C1orf21: variants seen among roughly 807,000 people sequenced by gnomAD.
C1orf21 encodes uncharacterized protein C1orf21.
In C1orf21, 3 loss-of-function variants were observed where a neutral mutation model predicts 18.7. The observed-to-expected ratio is 0.16, with a 90% CI of 0.07 to 0.42. The LOEUF (loss-of-function observed/expected upper bound fraction) is 0.42, where lower values mean the gene tolerates loss of function less well. Among genes scored for constraint, C1orf21 ranks in the 10% least tolerant of loss-of-function variants. The probability of loss-of-function intolerance (pLI) is 0.99; values close to 1 mark genes in which losing one functional copy is unlikely to be tolerated. For missense variants in C1orf21, 104 were observed against 143.6 expected (o/e 0.72, Z 1.41); for synonymous variants, 41 against 46.4 (o/e 0.88, Z 0.47).
chr1:184,465,888 G>A (rs1404980099), intron 1 of C1orf21, among the ~76,000 whole-genome samples: 1 of 152,184 alleles, frequency 6.6e-6, no homozygotes, highest in Non-Finnish European at 1.5e-5. Flanking sequence ...GATGTGATGT[G>A]CTGAAGAGTG....
At chr1:184,432,373 C>T (rs749701658) in intron 1 of C1orf21, among the ~76,000 whole-genome samples, 1 of 152,090 alleles carries the variant, frequency 6.6e-6, no homozygotes, top group Non-Finnish European at 1.5e-5. Context: ...TTTGCAGGGA[C>T]ATGGATGAAG....
At position 184,620,414 on chromosome 1, in the gene C1orf21, A is replaced by G. The variant is rs548825490; in HGVS notation, c.*858A>G. ...GCCCTCCTTTGCATTGACACTGATA[A>G]TTAGCCTATAGGGCTCCCTACCCTT... On this transcript the variant is annotated 3_prime_UTR_variant, in exon 6 of 6. Transcript: ENST00000235307. The G allele has an allele frequency of 6.6e-6, 1 of 152,654 alleles. No individual in the cohort carries two copies. The highest frequency in any genetic ancestry group is 2.4e-5 in the African/African-American group (1 of 41,528). The allele number at this position is 152,654 out of a possible 1,614,324, so 9.5% of individuals were successfully genotyped here.
chr1:184,494,428 A>G (rs1425166353), intron 2 of C1orf21, among the ~76,000 whole-genome samples: 2 of 152,184 alleles, frequency 1.3e-5, no homozygotes, highest in African/African-American at 4.8e-5. Flanking sequence ...ACTGCTACGT[A>G]GGGAATAGAC....
At position 184,575,121 on chromosome 1, in the gene C1orf21, G is replaced by A. The variant is rs113506577; in HGVS notation, c.190-15618G>A. 7.7e-3 allele frequency among the ~76,000 whole-genome samples: 1,178 copies of A among 152,274 alleles called. 22 individuals carry two copies. Among genetic ancestry groups the A allele is most frequent in the African/African-American group, 0.024 (1,009 of 41,544 alleles). On this transcript the variant is annotated intron_variant, in intron 3 of 5. Transcript: ENST00000235307. ...TTCTAGCAGTACATTTCTCAAAAAG[G>A]AAAGAAGGGAGAAAAAAAGAATGGC...
At chr1:184,608,525 A>T (rs1659683674) in intron 5 of C1orf21, among the ~76,000 whole-genome samples, 1 of 152,250 alleles carries the variant, frequency 6.6e-6, no homozygotes, top group African/African-American at 2.4e-5. Context: ...CCACAGATGC[A>T]GTTGAATTGC....
At chr1:184,456,600 A>G (rs1466670318) in intron 1 of C1orf21, among the ~76,000 whole-genome samples, 1 of 147,834 alleles carries the variant, frequency 6.8e-6, no homozygotes, top group Non-Finnish European at 1.5e-5. Context: ...CAGGTGCCAG[A>G]TTTGATATTT....
chr1:184,566,061 T>G (rs115592075), intron 3 of C1orf21, among the ~76,000 whole-genome samples: 1 of 152,164 alleles, frequency 6.6e-6, no homozygotes, highest in African/African-American at 2.4e-5. Flanking sequence ...TGTTTAAAAT[T>G]GTGGATTAGG....
intron 3 of C1orf21, among the ~76,000 whole-genome samples, chr1:184,557,538 A>G (rs1658896512): frequency 6.6e-6 from 1 of 152,224 alleles, no homozygotes; most frequent in African/African-American, 2.4e-5. Flanking sequence ...ACTTAGAATA[A>G]TGGTCTCCAG....
At chr1:184,523,415 C>T (rs1206894779) in intron 3 of C1orf21, among the ~76,000 whole-genome samples, 1 of 152,060 alleles carries the variant, frequency 6.6e-6, no homozygotes, top group Non-Finnish European at 1.5e-5. Flanking sequence ...AATTGAGGGG[C>T]ATTCTACAAA....
chr1:184,406,433 T>C (rs1656250573), intron 1 of C1orf21, among the ~76,000 whole-genome samples: 2 of 152,190 alleles, frequency 1.3e-5, no homozygotes, highest in African/African-American at 4.8e-5. Context: ...TAAGTGTTGT[T>C]TTTTGGAAAA....
chr1:184,578,097 C>A (rs933687297), intron 3 of C1orf21, among the ~76,000 whole-genome samples: 1 of 152,004 alleles, frequency 6.6e-6, no homozygotes, highest in Non-Finnish European at 1.5e-5. Context: ...GCTGAGATTA[C>A]AGGCGCCTGC....
At chr1:184,498,534 TGAAGAA>T (rs1185690572) in intron 2 of C1orf21, among the ~76,000 whole-genome samples, 5 of 152,168 alleles carry the variant, frequency 3.3e-5, no homozygotes, top group African/African-American at 9.7e-5. Context: ...TCGATGGCAG[TGAAGAA>T]GTAACTACAG....
intron 3 of C1orf21, among the ~76,000 whole-genome samples, chr1:184,519,774 A>G (rs1402413997): frequency 6.6e-6 from 1 of 152,230 alleles, no homozygotes; most frequent in Non-Finnish European, 1.5e-5. Flanking sequence ...TGAGAGTATC[A>G]AAAGCAACCA....
intron 1 of C1orf21, among the ~76,000 whole-genome samples, chr1:184,458,860 A>C (rs1314540069): frequency 6.6e-6 from 1 of 152,216 alleles, no homozygotes; most frequent in African/African-American, 2.4e-5. Context: ...CTCTTGAATA[A>C]ATGATTTTGT....
chr1:184,590,769 A>G lies in C1orf21; in HGVS notation c.220A>G (p.Lys74Glu), dbSNP rs751343261. The G allele has an allele frequency of 3.1e-6, 5 of 1,614,034 alleles. No homozygotes were observed. In the African/African-American group the frequency reaches 6.7e-5, roughly 22 times the overall value. The change falls in exon 4 of 6, where the codon AAA (lysine) becomes GAA (glutamate). Residue 74 changes from lysine (K) to glutamate (E), a missense_variant. Transcript: ENST00000235307. ...EKSASSNVRLKTNKEVPGLVH... is the reference protein window; with the variant it reads ...EKSASSNVRLETNKEVPGLVH... ...AAGTGCCAGCTCAAATGTAAGACTT[A>G]AAACTAATAAAGAGGTTCCGGGATT...
intron 1 of C1orf21, among the ~76,000 whole-genome samples, chr1:184,410,663 A>ATATATATATATT (rs67546366): frequency 1.3e-4 from 1 of 7,676 alleles, no homozygotes; most frequent in African/African-American, 1.4e-3. Context: ...ATATATATAT[A>ATATATATATATT]TTTTTTTTTT....
intron 5 of C1orf21, among the ~76,000 whole-genome samples, chr1:184,612,129 A>G (rs1571301739): frequency 6.6e-6 from 1 of 152,258 alleles, no homozygotes; most frequent in African/African-American, 2.4e-5. Context: ...TCCAGCAACT[A>G]ACAGAGATTC....
intron 1 of C1orf21, among the ~76,000 whole-genome samples, chr1:184,441,066 A>G (rs1274132172): frequency 2.6e-5 from 4 of 152,170 alleles, no homozygotes; most frequent in Non-Finnish European, 5.9e-5. Flanking sequence ...CGGGAGAAGT[A>G]CCCTCTTAAA....
intron 1 of C1orf21, among the ~76,000 whole-genome samples, chr1:184,410,787 C>T (rs1211881523): frequency 1.6e-5 from 2 of 121,814 alleles, no homozygotes; most frequent in Non-Finnish European, 3.1e-5. Context: ...GCCTCAGCCT[C>T]CCTCCTTACA....
Sources: gnomAD v4.1 joint callset for allele counts (sites outside exome capture counted in the v4.1 genomes callset) on GRCh38, gnomAD v4.1.1 for gene constraint, MANE v1.5 for transcripts, NCBI Gene and HGNC (gene_info 2026-07-23, HGNC 2026-07-21) for gene names.